Variants in MXRA7 observed in about 807,000 individuals in gnomAD.
MXRA7 encodes the protein matrix-remodeling-associated protein 7.
A neutral mutation model predicts 17.4 loss-of-function variants in MXRA7; 18 were observed. The ratio of observed to expected loss-of-function variants is 1.03; its 90% confidence interval spans 0.71 to 1.53. The LOEUF (loss-of-function observed/expected upper bound fraction) is 1.53. Among genes scored for constraint, MXRA7 ranks in the 40% most tolerant of loss-of-function variants. The pLI is 0.00. For synonymous variants in MXRA7, 70 were observed against 101.7 expected (o/e 0.69, Z 1.87); for missense variants, 141 against 209.3 (o/e 0.67, Z 2.01).
In MXRA7 at chr17:76,681,309, C is replaced by T. The variant is rs1326135864; in HGVS notation, c.501-430G>A. On this transcript the variant is annotated intron_variant, in intron 3 of 3. Coordinates refer to ENST00000449428, the MANE Select transcript of MXRA7 (RefSeq NM_198530.4). This position sits in a 1 kb window ranked among gnomAD's most constrained non-coding sequence, Gnocchi z 4.7. The stretch of plus-strand genomic sequence containing the variant: ...GGATACTGGCACCCTAGGATGCACG[C>T]TTCCAGATGGAGCCAACTGCATGCC... Among the ~76,000 whole-genome samples, 3 of 152,194 alleles carry T rather than the reference C, an allele frequency of 2.0e-5. No homozygotes were observed. Among genetic ancestry groups the T allele is most frequent in the Admixed American group, 2.0e-4 (3 of 15,282 alleles).
At chr17:76,708,589 TTTTCC>T (rs1459239045) in intron 1 of MXRA7, among the ~76,000 whole-genome samples, 2 of 152,180 alleles carry the variant, frequency 1.3e-5, no homozygotes, top group African/African-American at 4.8e-5. Flanking sequence ...GGACAATTTG[TTTTCC>T]TTTCTTTTTT....
At chr17:76,709,005 G>T (rs939115903) in intron 1 of MXRA7, among the ~76,000 whole-genome samples, 3 of 152,136 alleles carry the variant, frequency 2.0e-5, no homozygotes, top group Non-Finnish European at 4.4e-5. Flanking sequence ...CAAATTATGC[G>T]AGTGGCCCTA....
At chr17:76,695,284 C>T (rs1444497240) in intron 1 of MXRA7, among the ~76,000 whole-genome samples, 2 of 152,020 alleles carry the variant, frequency 1.3e-5, no homozygotes, top group South Asian at 2.1e-4. Context: ...TAAGAAGTGC[C>T]GGTTTCAGAC....
chr17:76,703,230 T>C (rs1368168728), intron 1 of MXRA7, among the ~76,000 whole-genome samples: 1 of 152,018 alleles, frequency 6.6e-6, no homozygotes, highest in Non-Finnish European at 1.5e-5. Flanking sequence ...TCTGCCAGGG[T>C]TGTCTCACCC....
chr17:76,701,858 C>G (rs1395773376), intron 1 of MXRA7, among the ~76,000 whole-genome samples: 1 of 152,236 alleles, frequency 6.6e-6, no homozygotes, highest in Non-Finnish European at 1.5e-5. Context: ...TAAACAAACT[C>G]TTGCTCAGAT....
At chr17:76,700,849 T>A (rs931479540) in intron 1 of MXRA7, among the ~76,000 whole-genome samples, 1 of 151,890 alleles carries the variant, frequency 6.6e-6, no homozygotes, top group Admixed American at 6.6e-5. Flanking sequence ...GGACTTTACA[T>A]CTGCTCACGG....
intron 1 of MXRA7, among the ~76,000 whole-genome samples, chr17:76,700,652 G>A (rs2076579754): frequency 6.6e-6 from 1 of 152,338 alleles, no homozygotes; most frequent in Admixed American, 6.5e-5. Context: ...TGCCTACTGC[G>A]TGCGGGCCTG....
chr17:76,700,262 G>A (rs376717722), intron 1 of MXRA7, among the ~76,000 whole-genome samples: 1 of 152,128 alleles, frequency 6.6e-6, no homozygotes, highest in Non-Finnish European at 1.5e-5. Context: ...GTGAGCCACC[G>A]GACACAGCCA....
At chr17:76,702,765 T>A (rs990251724) in intron 1 of MXRA7, among the ~76,000 whole-genome samples, 2 of 150,704 alleles carry the variant, frequency 1.3e-5, no homozygotes, top group Admixed American at 1.3e-4. Context: ...GGCAAGAGAA[T>A]CGCTGGAACC....
chr17:76,699,724 T>C (rs916891741), intron 1 of MXRA7, among the ~76,000 whole-genome samples: 2 of 152,150 alleles, frequency 1.3e-5, no homozygotes, highest in South Asian at 2.1e-4. Context: ...CACATTCACC[T>C]CTGCACACAC....
At chr17:76,694,056 G>A (rs1280410799) in intron 1 of MXRA7, among the ~76,000 whole-genome samples, 1 of 152,210 alleles carries the variant, frequency 6.6e-6, no homozygotes, top group African/African-American at 2.4e-5. Context: ...CCCAGTTGGG[G>A]CGGTCAAACC....
At chr17:76,686,866 G>C (rs2076404658) in intron 2 of MXRA7, among the ~76,000 whole-genome samples, 1 of 151,940 alleles carries the variant, frequency 6.6e-6, no homozygotes, top group Admixed American at 6.5e-5. Context: ...CCTTGCTAGA[G>C]ATGGCAGGAG....
At chr17:76,707,780 G>T (rs569348390) in intron 1 of MXRA7, among the ~76,000 whole-genome samples, 1 of 152,132 alleles carries the variant, frequency 6.6e-6, no homozygotes, top group African/African-American at 2.4e-5. Context: ...TAGGTAAGAG[G>T]CCTGGCAATC....
chr17:76,702,480 C>T (rs751607087), intron 1 of MXRA7, among the ~76,000 whole-genome samples: 6 of 152,036 alleles, frequency 3.9e-5, no homozygotes, highest in Admixed American at 1.3e-4. Flanking sequence ...TGCACCCCAG[C>T]CTGGTTCTCT....
chr17:76,683,769 G>A, intron 3 of MXRA7: 1 of 1,008,782 alleles, frequency 9.9e-7, no homozygotes, highest in Non-Finnish European at 1.6e-6. Context: ...GGAGGTTGAG[G>A]CCGCGTCAGT....
At chr17:76,676,477 T>G (rs1347616360), downstream of MXRA7, 3 of 152,192 alleles carry the variant, frequency 2.0e-5, no homozygotes, top group African/African-American at 7.2e-5. Flanking sequence ...GAAAGAACGC[T>G]CCCAGCTGGG....
In MXRA7 at chr17:76,695,726, C is replaced by T. The variant is rs976038784; in HGVS notation, c.343-7550G>A. Among the ~76,000 whole-genome samples the T allele has an allele frequency of 8.3e-4, 127 of 152,126 alleles. 1 individual carries two copies. Among genetic ancestry groups the T allele is most frequent in the Non-Finnish European group, 3.2e-4 (22 of 68,020 alleles). Reference sequence around the variant, plus strand: ...CAGCCCATGTAAAGGCATGGAGGCACGGAACACCTCGGCTCTTCCAGTGGC... The same window carrying T: ...CAGCCCATGTAAAGGCATGGAGGCATGGAACACCTCGGCTCTTCCAGTGGC... On this transcript the variant is annotated intron_variant, in intron 1 of 3. Coordinates refer to ENST00000449428, the MANE Select transcript of MXRA7 (RefSeq NM_198530.4).
intron 1 of MXRA7, among the ~76,000 whole-genome samples, chr17:76,702,638 G>A (rs1390560277): frequency 1.3e-5 from 2 of 151,980 alleles, no homozygotes; most frequent in East Asian, 1.9e-4. Context: ...TTGCTTGAGG[G>A]CAGGAGTTTG....
chr17:76,710,564 C>T (rs2076708484), intron 1 of MXRA7, 41 bp downstream of exon 1: 3 of 1,245,776 alleles, frequency 2.4e-6, no homozygotes, highest in Admixed American at 8.8e-5. Flanking sequence ...CAGCCGGAGC[C>T]CCGGGGGTGG....
Sources: allele counts gnomAD v4.1 joint callset (sites outside exome capture counted in the v4.1 genomes callset), GRCh38; gene constraint gnomAD v4.1.1; non-coding constraint Gnocchi (gnomAD v3.1); transcripts MANE v1.5; gene names NCBI Gene and HGNC (gene_info 2026-07-23, HGNC 2026-07-21).